Variants in SFMBT2 observed in about 807,000 individuals in gnomAD.
SFMBT2 encodes the protein scm-like with four MBT domains protein 2.
In SFMBT2, 38 loss-of-function variants were observed where a neutral mutation model predicts 110.1. The observed-to-expected ratio is 0.35, with a 90% CI of 0.27 to 0.45. The LOEUF is 0.45. Among genes scored for constraint, SFMBT2 ranks in the 20% least tolerant of loss-of-function variants. SFMBT2 has a pLI of 1.00. For synonymous variants in SFMBT2, 425 were observed against 425.4 expected (o/e 1.00, Z 0.01); for missense variants, 1,011 against 1,094.9 (o/e 0.92, Z 1.08).
intron 11 of SFMBT2, chr10:7,207,619 G>A: frequency 1.0e-6 from 1 of 984,314 alleles, no homozygotes; most frequent in Non-Finnish European, 1.2e-6. Context: ...CATAACATCT[G>A]AAGAATTCTG....
At chr10:7,242,000 GT>G (rs1840444367) in intron 9 of SFMBT2, among the ~76,000 whole-genome samples, 1 of 152,084 alleles carries the variant, frequency 6.6e-6, no homozygotes, top group Admixed American at 6.5e-5. Flanking sequence ...TCTAGAAAAA[GT>G]TTTCCTTCAA....
At chr10:7,241,484 A>G in intron 9 of SFMBT2, 1 of 294,346 alleles carries the variant, frequency 3.4e-6, no homozygotes, top group Non-Finnish European at 5.0e-6. Context: ...ACTTTCAACA[A>G]GAGAAAGGAA....
chr10:7,374,640 C>T (rs1296523522), intron 2 of SFMBT2, among the ~76,000 whole-genome samples: 3 of 152,092 alleles, frequency 2.0e-5, no homozygotes, highest in Non-Finnish European at 2.9e-5. Context: ...CTGTGTCTCC[C>T]CTGCAGGAAT....
chr10:7,196,257 A>G (rs943847362), intron 15 of SFMBT2, among the ~76,000 whole-genome samples: 58 of 152,174 alleles, frequency 3.8e-4, no homozygotes, highest in African/African-American at 1.3e-3. Context: ...TGAAGCATCA[A>G]GGCAGGCCAG....
Position 7,370,382 on chromosome 10 carries a change from A to C in SFMBT2, c.101-7T>G, listed in dbSNP as rs752984265. 6.2e-7 allele frequency: 1 copy of C among 1,612,048 alleles called. No individual in the cohort carries two copies. Among genetic ancestry groups the C allele is most frequent in the Non-Finnish European group, 8.5e-7 (1 of 1,178,202 alleles). ...TCCAAGCTTGAGCCTTCTTCTGTTG[A>C]AAAACAAAAGAACAGAATATCAATA... On this transcript the variant is annotated splice_polypyrimidine_tract_variant and splice_region_variant and intron_variant, in intron 2 of 20. Coordinates refer to ENST00000397167, the MANE Select transcript of SFMBT2 (RefSeq NM_001387889.1).
chr10:7,202,567 G>A lies in SFMBT2; in HGVS notation c.1445-45C>T. 1.9e-6 allele frequency: 3 copies of A among 1,613,958 alleles called. No individual in the cohort carries two copies. The South Asian group carries it at 3.3e-5, about 18-fold the overall frequency. ...GAAAAAGAAAATCAGCTTTGTTAGT[G>A]GGGCAAGTCCATTTTTAAAAATAGG... On this transcript the variant is annotated intron_variant, in intron 12 of 20. Transcript: ENST00000397167.
At chr10:7,388,942 A>G (rs372883863) in intron 1 of SFMBT2, among the ~76,000 whole-genome samples, 1 of 152,218 alleles carries the variant, frequency 6.6e-6, no homozygotes, top group African/African-American at 2.4e-5. Context: ...AACTAAAAAC[A>G]TGGAAGTGCA....
At chr10:7,394,538 C>G (rs12354417) in intron 1 of SFMBT2, among the ~76,000 whole-genome samples, 3,842 of 150,400 alleles carry the variant, frequency 0.026, 95 homozygotes, top group Non-Finnish European at 0.038. Context: ...GACACGCTCA[C>G]CCCCCTGGCA....
intron 16 of SFMBT2, among the ~76,000 whole-genome samples, chr10:7,180,809 A>G (rs1330282268): frequency 6.6e-6 from 1 of 152,168 alleles, no homozygotes; most frequent in Non-Finnish European, 1.5e-5. Flanking sequence ...CTGGGGCCTG[A>G]CGAAATAAAT....
At chr10:7,223,564 T>C (rs1349078855) in intron 10 of SFMBT2, among the ~76,000 whole-genome samples, 1 of 152,188 alleles carries the variant, frequency 6.6e-6, no homozygotes, top group Non-Finnish European at 1.5e-5. Flanking sequence ...ACAAAATAAT[T>C]TCTATTTTCA....
At chr10:7,368,467 A>G (rs1177174683) in intron 3 of SFMBT2, 4 of 511,222 alleles carry the variant, frequency 7.8e-6, no homozygotes, top group South Asian at 1.7e-4. Context: ...GCAAGTGGCC[A>G]CTGCTGAAAG....
intron 11 of SFMBT2, among the ~76,000 whole-genome samples, chr10:7,212,600 A>G (rs1839385638): frequency 6.6e-6 from 1 of 152,208 alleles, no homozygotes; most frequent in South Asian, 2.1e-4. Flanking sequence ...AATGACTACT[A>G]CGTGCTAACA....
intron 4 of SFMBT2, among the ~76,000 whole-genome samples, chr10:7,305,612 T>C (rs529750172): frequency 9.2e-5 from 14 of 152,290 alleles, no homozygotes; most frequent in East Asian, 3.9e-4. Context: ...AGGAAGATCA[T>C]CCAGACAGAG....
rs1398318351 is a variant in SFMBT2 at position 7,396,790 on chromosome 10, C to T, written c.-52+14071G>A. ...GGAAGCATCATTCTGAGCAAACTAT[C>T]GCAAAGGCAGAAAACCAAACACCGC... On this transcript the variant is annotated intron_variant, in intron 1 of 20. Transcript: ENST00000397167. 3.3e-5 allele frequency among the ~76,000 whole-genome samples: 5 copies of T among 151,432 alleles called. No individual in the cohort carries two copies. In the East Asian group the frequency reaches 9.7e-4, roughly 29 times the overall value.
intron 7 of SFMBT2, among the ~76,000 whole-genome samples, chr10:7,252,108 C>G (rs1477056087): frequency 6.6e-6 from 1 of 152,164 alleles, no homozygotes; most frequent in Non-Finnish European, 1.5e-5. Flanking sequence ...CATCGCAGGC[C>G]CTCAACCTGA....
chr10:7,194,513 C>T (rs781151575), intron 15 of SFMBT2, among the ~76,000 whole-genome samples: 1 of 152,170 alleles, frequency 6.6e-6, no homozygotes, highest in Non-Finnish European at 1.5e-5. Flanking sequence ...ATCTCCTACA[C>T]ATAAAGTGTT....
chr10:7,370,109 T>TCTCAGC (rs1252708535), intron 3 of SFMBT2, among the ~76,000 whole-genome samples, 172 bp downstream of exon 3: 2 of 152,154 alleles, frequency 1.3e-5, no homozygotes, highest in East Asian at 1.9e-4. Flanking sequence ...GATTTGCCAG[T>TCTCAGC]CTCAGCCTCA....
intron 4 of SFMBT2, among the ~76,000 whole-genome samples, chr10:7,337,838 T>C (rs780926605): frequency 6.6e-6 from 1 of 152,204 alleles, no homozygotes; most frequent in Admixed American, 6.5e-5. Flanking sequence ...ATTCAGTCTA[T>C]AACACTTGGA....
intron 9 of SFMBT2, among the ~76,000 whole-genome samples, chr10:7,243,302 C>G (rs1418337649): frequency 1.3e-5 from 2 of 152,216 alleles, no homozygotes; most frequent in Non-Finnish European, 2.9e-5. Flanking sequence ...TACACAATAG[C>G]AGCACATCTG....
Sources: gnomAD v4.1 joint callset for allele counts (sites outside exome capture counted in the v4.1 genomes callset) on GRCh38, gnomAD v4.1.1 for gene constraint, MANE v1.5 for transcripts, NCBI Gene and HGNC (gene_info 2026-07-23, HGNC 2026-07-21) for gene names.